PPP2R1A: variants seen among roughly 807,000 people sequenced by gnomAD.
PPP2R1A encodes serine/threonine-protein phosphatase 2A 65 kDa regulatory subunit A alpha isoform.
In PPP2R1A, 15 loss-of-function variants were observed where a neutral mutation model predicts 67.1. The observed-to-expected ratio is 0.22, with a 90% confidence interval of 0.15 to 0.34. PPP2R1A has a LOEUF of 0.34. Among genes scored for constraint, PPP2R1A ranks in the 10% least tolerant of loss-of-function variants. PPP2R1A has a pLI of 1.00. For synonymous variants in PPP2R1A, 337 were observed against 325.0 expected (o/e 1.04, Z -0.40); for missense variants, 369 against 775.0 (o/e 0.48, Z 6.22).
At chr19:52,198,133 C>T (rs1222380809) in intron 1 of PPP2R1A, among the ~76,000 whole-genome samples, 1 of 152,094 alleles carries the variant, frequency 6.6e-6, no homozygotes, top group Admixed American at 6.6e-5. Flanking sequence ...GGTAGGTATT[C>T]TCATCATCCC....
Position 52,225,955 on chromosome 19 carries a change from G to A in PPP2R1A, c.1754-10G>A. 6.2e-7 allele frequency: 1 copy of A among 1,614,216 alleles called. No homozygotes were observed. Among genetic ancestry groups the A allele is most frequent in the Non-Finnish European group, 8.5e-7 (1 of 1,180,038 alleles). ...CTGGTTCTGATTCTTGCCTGTTCCT[G>A]TTTTCCTAGTTCTGTCTCTCGCCTG... On this transcript the variant is annotated splice_polypyrimidine_tract_variant and intron_variant, in intron 14 of 14. Coordinates refer to ENST00000322088, the MANE Select transcript of PPP2R1A (RefSeq NM_014225.6).
intron 2 of PPP2R1A, among the ~76,000 whole-genome samples, chr19:52,204,390 AC>A (rs1180756199): frequency 6.6e-6 from 1 of 152,110 alleles, no homozygotes; most frequent in African/African-American, 2.4e-5. Flanking sequence ...AAGCAGGAAA[AC>A]CAGGTAAGAA....
At chr19:52,198,113 A>T (rs1600158560) in intron 1 of PPP2R1A, among the ~76,000 whole-genome samples, 1 of 151,940 alleles carries the variant, frequency 6.6e-6, no homozygotes, top group Non-Finnish European at 1.5e-5. Flanking sequence ...ACTCAAGACA[A>T]CCCTCTGAGG....
At chr19:52,203,937 A>G (rs1343388070) in intron 2 of PPP2R1A, among the ~76,000 whole-genome samples, 2 of 152,146 alleles carry the variant, frequency 1.3e-5, no homozygotes, top group African/African-American at 4.8e-5. Context: ...AGATACAGAG[A>G]ATGAGGTGTG....
chr19:52,194,761 G>A lies in PPP2R1A; in HGVS notation c.78+4587G>A, dbSNP rs919389303. Reference sequence around the variant, plus strand: ...ACCCAGATTCCTCATCTGCAAAATGGGGATAATGATGAAGAATCAGCGTGT... The same window carrying A: ...ACCCAGATTCCTCATCTGCAAAATGAGGATAATGATGAAGAATCAGCGTGT... On this transcript the variant is annotated intron_variant, in intron 1 of 14. Transcript: ENST00000322088. 1.4e-4 allele frequency among the ~76,000 whole-genome samples: 22 copies of A among 152,278 alleles called. 1 individual carries two copies. The East Asian group carries it at 3.7e-3, about 25-fold the overall frequency.
At position 52,226,058 on chromosome 19, in the gene PPP2R1A, G is replaced by T. The variant is rs1600175979; in HGVS notation, c.*77G>T. ...CAAGTCCCTCTTTGGGGAGACACTG[G>T]GGGGCCTTTGGCTGTCACTCCCTGT... On this transcript the variant is annotated 3_prime_UTR_variant, in exon 15 of 15. Transcript: ENST00000322088. The T allele has an allele frequency of 6.2e-7, 1 of 1,607,590 alleles. No homozygotes were observed. Among genetic ancestry groups the T allele is most frequent in the Non-Finnish European group, 8.5e-7 (1 of 1,174,274 alleles).
intron 1 of PPP2R1A, 89 bp downstream of exon 1, chr19:52,190,263 G>A (rs781235785): frequency 6.9e-7 from 1 of 1,448,860 alleles, no homozygotes; most frequent in Non-Finnish European, 9.4e-7. Flanking sequence ...GCGTTCGCTG[G>A]GAGTGGCGGA....
chr19:52,214,889 G>C (rs917432569), intron 6 of PPP2R1A, among the ~76,000 whole-genome samples: 1 of 152,058 alleles, frequency 6.6e-6, no homozygotes, highest in Non-Finnish European at 1.5e-5. Flanking sequence ...ACCACACCCA[G>C]CTAATTTTGT....
intron 1 of PPP2R1A, among the ~76,000 whole-genome samples, chr19:52,191,642 T>G (rs2089455428): frequency 6.6e-6 from 1 of 152,136 alleles, no homozygotes; most frequent in South Asian, 2.1e-4. Context: ...CAAGGGCAAG[T>G]TAGTTAATCT....
At chr19:52,201,777 C>T in intron 1 of PPP2R1A, 167 bp from the exon 2 acceptor site, 4 of 591,760 alleles carry the variant, frequency 6.8e-6, no homozygotes, top group Non-Finnish European at 1.2e-5. Flanking sequence ...TTAATGATTC[C>T]CTCGAGGTCA....
chr19:52,202,136 T>C, intron 2 of PPP2R1A, 102 bp downstream of exon 2: 1 of 1,013,416 alleles, frequency 9.9e-7, no homozygotes, highest in Non-Finnish European at 1.5e-6. Context: ...TTTGTGAATA[T>C]CTGCCCTGTG....
rs558674098 is a variant in PPP2R1A at position 52,199,421 on chromosome 19, G to A, written c.79-2523G>A. On this transcript the variant is annotated intron_variant, in intron 1 of 14. Transcript: ENST00000322088. ...CCTAACCTCATGATCCGCCTGCCTC[G>A]GCCTCCCAAGGTGCTGGGATTACAG... Among the ~76,000 whole-genome samples, 23 of 151,818 alleles carry A rather than the reference G, an allele frequency of 1.5e-4. No individual in the cohort carries two copies. In the South Asian group the frequency reaches 4.2e-3, roughly 28 times the overall value.
intron 3 of PPP2R1A, among the ~76,000 whole-genome samples, chr19:52,207,222 C>A (rs912856404): frequency 1.3e-5 from 2 of 152,166 alleles, no homozygotes; most frequent in African/African-American, 4.8e-5. Flanking sequence ...GTTTGGGGGC[C>A]AGCCTAGAAG....
chr19:52,201,167 T>C (rs2089544476), intron 1 of PPP2R1A: 1 of 151,886 alleles, frequency 6.6e-6, no homozygotes, highest in African/African-American at 2.4e-5. Context: ...CTGGACACAC[T>C]TAACTACGCC....
At position 52,226,394 on chromosome 19, in the gene PPP2R1A, A is replaced by C. The variant is rs1244448087; in HGVS notation, c.*413A>C. The C allele has an allele frequency of 6.7e-6, 2 of 296,724 alleles. No individual in the cohort carries two copies. Among genetic ancestry groups the C allele is most frequent in the East Asian group, 1.0e-4 (2 of 19,414 alleles). 18.4% of individuals were successfully genotyped at this position (296,724 alleles called of 1,614,324 possible). A position where few individuals can be genotyped will look rare whatever the true frequency, so the allele number is the denominator to read the frequency against. On this transcript the variant is annotated 3_prime_UTR_variant, in exon 15 of 15. Transcript: ENST00000322088. ...TATTCCTTTTATTTTCCCCCTTTTC[A>C]CAGAGAAATAAAGGTCTAGAAGTAG... is the stretch of plus-strand genomic sequence containing the variant.
chr19:52,217,243 C>G (rs1978633246), intron 9 of PPP2R1A, among the ~76,000 whole-genome samples: 1 of 152,222 alleles, frequency 6.6e-6, no homozygotes, highest in Non-Finnish European at 1.5e-5. Context: ...CTATTGCCCA[C>G]ACTGCAGTGC....
chr19:52,208,044 G>A (rs1242972420), intron 3 of PPP2R1A, among the ~76,000 whole-genome samples: 4 of 152,124 alleles, frequency 2.6e-5, no homozygotes, highest in Non-Finnish European at 5.9e-5. Flanking sequence ...CATTGAGCAA[G>A]GTCTCTAGGC....
Position 52,208,840 on chromosome 19 carries a change from A to G in PPP2R1A, c.271-2420A>G, listed in dbSNP as rs112531259. ...TTTGGAATTATGGATCCCTTTGAGA[A>G]TCTGTTAAATTCTGGACCCTCTTCT... On this transcript the variant is annotated intron_variant, in intron 3 of 14. Coordinates refer to ENST00000322088, the MANE Select transcript of PPP2R1A (RefSeq NM_014225.6). Among the ~76,000 whole-genome samples, 1,350 of 152,272 alleles carry G rather than the reference A, an allele frequency of 8.9e-3. 21 individuals carry two copies. Among genetic ancestry groups the G allele is most frequent in the African/African-American group, 0.031 (1,282 of 41,570 alleles).
At position 52,213,457 on chromosome 19, in the gene PPP2R1A, GTTTTTTTTTTTTTTTT is replaced by G. The variant is rs398035011; in HGVS notation, c.807+362_807+377del. Reference sequence around the variant, plus strand: ...GCCCAAAAAGGTGGGGTTTTTTGGTGTTTTTTTTTTTTTTTTTTTTTTTTTTTTTTAAGATGGAGTC... The same window carrying G: ...GCCCAAAAAGGTGGGGTTTTTTGGTGTTTTTTTTTTTTTTAAGATGGAGTC... On this transcript the variant is annotated intron_variant, in intron 6 of 14. Transcript: ENST00000322088. This position sits in a 1 kb window ranked among gnomAD's most constrained non-coding sequence, Gnocchi z 4.2. 5.6e-5 allele frequency among the ~76,000 whole-genome samples: 4 copies of G among 71,762 alleles called. No homozygotes were observed. The highest frequency in any genetic ancestry group is 6.2e-4 in the South Asian group (1 of 1,608). 47.1% of individuals were successfully genotyped at this position (71,762 alleles called of 152,430 possible).
Sources: allele counts gnomAD v4.1 joint callset (sites outside exome capture counted in the v4.1 genomes callset), GRCh38; gene constraint gnomAD v4.1.1; non-coding constraint Gnocchi (gnomAD v3.1); transcripts MANE v1.5; gene names NCBI Gene and HGNC (gene_info 2026-07-23, HGNC 2026-07-21).